The following IL1RAPL2 variants were observed in gnomAD, a reference collection of about 807,000 sequenced individuals.
IL1RAPL2 encodes the protein X-linked interleukin-1 receptor accessory protein-like 2.
In IL1RAPL2, 3 loss-of-function variants were observed where a neutral mutation model predicts 44.1. That is an observed-to-expected ratio of 0.07 (90% confidence interval 0.03 to 0.18). IL1RAPL2 has a LOEUF of 0.18. Ranked by LOEUF, IL1RAPL2 falls within the 10% of genes least tolerant of loss-of-function variation. The pLI is 1.00. For synonymous variants in IL1RAPL2, 181 were observed against 178.8 expected (o/e 1.01, Z -0.10); for missense variants, 391 against 496.4 (o/e 0.79, Z 2.02).
chrX:105,591,884 A>G (rs1447305941), intron 6 of IL1RAPL2, among the ~76,000 whole-genome samples: 3 of 111,087 alleles, frequency 2.7e-5, no homozygotes, highest in African/African-American at 9.8e-5. Context: ...AGAAGAGTGA[A>G]TATTTTGTTG....
intron 6 of IL1RAPL2, among the ~76,000 whole-genome samples, chrX:105,629,488 A>G (rs549900101): frequency 1.8e-5 from 2 of 111,676 alleles, no homozygotes; most frequent in Middle Eastern, 4.6e-3. Context: ...CCCTTTCCTC[A>G]AAGAAAGGGA....
rs774636310 is a variant in IL1RAPL2 at position 104,633,711 on chromosome X, G to A, written c.-19-25184G>A. On this transcript the variant is annotated intron_variant, in intron 1 of 10. Coordinates refer to ENST00000372582, the MANE Select transcript of IL1RAPL2 (RefSeq NM_017416.2). ...TATCCCCTTTATCATTTTTTATTGC[G>A]TCTATTTGATTCTTCTCTCTTTTCT... 2.5e-3 allele frequency among the ~76,000 whole-genome samples: 276 copies of A among 110,806 alleles called. 4 individuals carry two copies. Among genetic ancestry groups the A allele is most frequent in the African/African-American group, 7.6e-3 (233 of 30,520 alleles).
At chrX:104,889,156 TAACA>T (rs753542998) in intron 2 of IL1RAPL2, among the ~76,000 whole-genome samples, 9 of 110,486 alleles carry the variant, frequency 8.1e-5, no homozygotes, top group Admixed American at 9.7e-5. Flanking sequence ...CCTCCCTACT[TAACA>T]AACAGTCCAG....
rs1162393242 is a variant in IL1RAPL2 at position 104,915,939 on chromosome X, C to G, written c.82+256944C>G. On this transcript the variant is annotated intron_variant, in intron 2 of 10. Transcript: ENST00000372582. ...TTCCATTGATCTATATCTCTGTTTT[C>G]TTACCAGTACCATGCTCTTTTGGTT... Among the ~76,000 whole-genome samples the G allele has an allele frequency of 1.2e-4, 13 of 111,789 alleles. No homozygotes were observed. In the East Asian group the frequency reaches 2.3e-3, roughly 19 times the overall value.
intron 4 of IL1RAPL2, among the ~76,000 whole-genome samples, chrX:105,260,820 C>T (rs980678343): frequency 3.3e-4 from 37 of 112,522 alleles, no homozygotes; most frequent in African/African-American, 1.1e-3. Context: ...CCCCTGCCCC[C>T]GGCCCTGGGA....
chrX:105,597,423 C>T (rs1384444141), intron 6 of IL1RAPL2, among the ~76,000 whole-genome samples: 1 of 111,179 alleles, frequency 9.0e-6, no homozygotes. Flanking sequence ...CACAGTTCTT[C>T]AGACTGTACA....
intron 5 of IL1RAPL2, among the ~76,000 whole-genome samples, chrX:105,306,809 A>T (rs1295383564): frequency 9.0e-6 from 1 of 111,291 alleles, no homozygotes; most frequent in East Asian, 2.8e-4. Flanking sequence ...AAGTGGGAGG[A>T]TCATTTGAGG....
At chrX:105,577,832 T>C (rs2037061262) in intron 6 of IL1RAPL2, among the ~76,000 whole-genome samples, 1 of 111,460 alleles carries the variant, frequency 9.0e-6, no homozygotes, top group Admixed American at 9.6e-5. Flanking sequence ...TCTGAAGTTA[T>C]GTGAGCCTTG....
intron 5 of IL1RAPL2, among the ~76,000 whole-genome samples, chrX:105,447,670 T>C (rs1442533253): frequency 1.2e-5 from 1 of 80,531 alleles, no homozygotes; most frequent in Non-Finnish European, 2.2e-5. Context: ...AATATAAATA[T>C]ATATAAATAT....
chrX:105,752,962 G>T (rs761978489), intron 9 of IL1RAPL2: 1 of 330,550 alleles, frequency 3.0e-6, no homozygotes, highest in South Asian at 2.6e-5. Flanking sequence ...TTCAACGAAT[G>T]GTGTGCTTCT....
intron 2 of IL1RAPL2, among the ~76,000 whole-genome samples, chrX:105,005,353 T>C (rs913684297): frequency 9.0e-6 from 1 of 111,391 alleles, no homozygotes; most frequent in South Asian, 3.7e-4. Flanking sequence ...ATAACTTGAT[T>C]GCCTATAAAC....
In IL1RAPL2 at chrX:104,622,330, G is replaced by A. The variant is rs181827471; in HGVS notation, c.-19-36565G>A. 2.1e-3 allele frequency among the ~76,000 whole-genome samples: 203 copies of A among 97,102 alleles called. 1 individual carries two copies. The highest frequency in any genetic ancestry group is 0.011 in the African/African-American group (191 of 17,769). The allele number at this position is 97,102 out of a possible 115,157, so 84.3% of individuals were successfully genotyped here. A position where few individuals can be genotyped will look rare whatever the true frequency, so the allele number is the denominator to read the frequency against. Reference sequence around the variant, plus strand: ...GGTATATGAATAGATCCTGATGTAAGGTGTGAACAAGGAAGAAAGATGTTT... The same window carrying A: ...GGTATATGAATAGATCCTGATGTAAAGTGTGAACAAGGAAGAAAGATGTTT... On this transcript the variant is annotated intron_variant, in intron 1 of 10. Transcript: ENST00000372582.
At chrX:105,489,600 G>A (rs12390557) in intron 6 of IL1RAPL2, among the ~76,000 whole-genome samples, 1,241 of 111,041 alleles carry the variant, frequency 0.011, 12 homozygotes, top group Middle Eastern at 0.056. Flanking sequence ...TTAAAGGTGA[G>A]TTTCAAAATG....
chrX:105,179,747 TA>T (rs1556129504), intron 2 of IL1RAPL2, among the ~76,000 whole-genome samples: 3 of 107,532 alleles, frequency 2.8e-5, no homozygotes, highest in African/African-American at 1.0e-4. Flanking sequence ...TTTTTTTTTG[TA>T]AATATAGTGA....
At position 105,022,786 on chromosome X, in the gene IL1RAPL2, C is replaced by G. The variant is rs1305520134; in HGVS notation, c.83-172689C>G. Among the ~76,000 whole-genome samples, 4 of 110,877 alleles carry G rather than the reference C, an allele frequency of 3.6e-5. No individual in the cohort carries two copies. The East Asian group carries it at 1.1e-3, about 32-fold the overall frequency. On this transcript the variant is annotated intron_variant, in intron 2 of 10. Transcript: ENST00000372582. ...TCTTAGAGGGCTGCGTTACACTGTTCTGTCTCATGGAGGAAATGGTTAGTG... is the reference window on the plus strand; with the variant it reads ...TCTTAGAGGGCTGCGTTACACTGTTGTGTCTCATGGAGGAAATGGTTAGTG...
At chrX:105,614,710 T>C in intron 6 of IL1RAPL2, among the ~76,000 whole-genome samples, 1 of 111,743 alleles carries the variant, frequency 8.9e-6, no homozygotes. Flanking sequence ...AAATCGAAGG[T>C]CTCAACTTTA....
At position 105,732,523 on chromosome X, in the gene IL1RAPL2, T is replaced by C. The variant is rs768215985; in HGVS notation, c.903-8023T>C. The stretch of plus-strand genomic sequence containing the variant: ...GGATGCCTTGCTCTGTGTTTGCCAT[T>C]CCCTGTGAGTAAAAGCTGCCTGAGG... On this transcript the variant is annotated intron_variant, in intron 7 of 10. Coordinates refer to ENST00000372582, the MANE Select transcript of IL1RAPL2 (RefSeq NM_017416.2). Among the ~76,000 whole-genome samples, 7 of 110,910 alleles carry C rather than the reference T, an allele frequency of 6.3e-5. No individual in the cohort carries two copies. The East Asian group carries it at 2.0e-3, about 32-fold the overall frequency.
At chrX:105,265,839 G>A (rs971236772) in intron 4 of IL1RAPL2, among the ~76,000 whole-genome samples, 42 of 110,921 alleles carry the variant, frequency 3.8e-4, no homozygotes, top group African/African-American at 1.2e-3. Context: ...AGCACTCACA[G>A]CTGGGGATTG....
chrX:105,586,826 G>A (rs2037132782), intron 6 of IL1RAPL2, among the ~76,000 whole-genome samples: 3 of 112,593 alleles, frequency 2.7e-5, no homozygotes, highest in African/African-American at 6.4e-5. Context: ...ATGTGCACAT[G>A]TCTTTGTGTG....
Sources: gnomAD v4.1 joint callset for allele counts (sites outside exome capture counted in the v4.1 genomes callset) on GRCh38, gnomAD v4.1.1 for gene constraint, MANE v1.5 for transcripts, NCBI Gene and HGNC (gene_info 2026-07-23, HGNC 2026-07-21) for gene names.